ASNS: variants seen among roughly 807,000 people sequenced by gnomAD.
ASNS encodes asparagine synthetase [glutamine-hydrolyzing].
In ASNS, 37 loss-of-function variants were observed where a neutral mutation model predicts 62.6. The observed-to-expected ratio is 0.59, with a 90% CI of 0.45 to 0.78. The LOEUF (loss-of-function observed/expected upper bound fraction) is 0.78. Among genes scored for constraint, ASNS ranks in the 30% least tolerant of loss-of-function variants. ASNS has a pLI of 0.00. For missense variants in ASNS, 520 were observed against 682.4 expected (o/e 0.76, Z 2.65); for synonymous variants, 207 against 237.9 (o/e 0.87, Z 1.19).
chr7:97,913,477 A>C, the ASNS span, among the ~76,000 whole-genome samples: 1 of 152,332 alleles, frequency 6.6e-6, no homozygotes, highest in South Asian at 2.1e-4. Flanking sequence ...TATGCTCTCC[A>C]TGTTATCTGC....
chr7:97,889,308 G>T, the ASNS span, among the ~76,000 whole-genome samples: 1 of 152,314 alleles, frequency 6.6e-6, no homozygotes, highest in Admixed American at 6.5e-5. Context: ...CACGAGGTCA[G>T]GAGTTCGAGA....
chr7:97,861,498 C>G (rs1791717621), intron 4 of ASNS, among the ~76,000 whole-genome samples: 1 of 152,162 alleles, frequency 6.6e-6, no homozygotes, highest in Non-Finnish European at 1.5e-5. Context: ...ATTTCTGACT[C>G]TCAATTCTAT....
At chr7:97,861,791 A>T (rs1311566845) in intron 4 of ASNS, among the ~76,000 whole-genome samples, 1 of 152,230 alleles carries the variant, frequency 6.6e-6, no homozygotes, top group Admixed American at 6.5e-5. Flanking sequence ...CCTTCAAATC[A>T]TGATCATGGG....
chr7:97,879,704 C>A, the ASNS span, among the ~76,000 whole-genome samples: 2 of 152,214 alleles, frequency 1.3e-5, no homozygotes, highest in Admixed American at 6.5e-5. Flanking sequence ...CCCTGGCTGA[C>A]ATTATGGTTG....
the ASNS span, among the ~76,000 whole-genome samples, chr7:97,921,438 A>G: frequency 6.6e-6 from 1 of 152,200 alleles, no homozygotes; most frequent in Non-Finnish European, 1.5e-5. Flanking sequence ...CTGTATTCCA[A>G]TAAAACTTTA....
chr7:97,927,121 T>C, the ASNS span, among the ~76,000 whole-genome samples: 51 of 94,416 alleles, frequency 5.4e-4, no homozygotes, highest in Admixed American at 7.0e-4. Flanking sequence ...GGCTTCACCA[T>C]GTTGCCCAGG....
chr7:97,896,523 G>C, the ASNS span, among the ~76,000 whole-genome samples: 1 of 147,556 alleles, frequency 6.8e-6, no homozygotes, highest in Non-Finnish European at 1.5e-5. Flanking sequence ...CATGAACCCG[G>C]GAGGAAGAGC....
At chr7:97,923,439 G>A in the ASNS span, among the ~76,000 whole-genome samples, 4 of 152,142 alleles carry the variant, frequency 2.6e-5, no homozygotes, top group African/African-American at 9.7e-5. Context: ...AAGTTAGTCA[G>A]GCATGGTGGC....
rs1791459681 is a variant in ASNS at position 97,856,795 on chromosome 7, C to T, written c.925G>A (p.Glu309Lys). The T allele has an allele frequency of 1.9e-6, 3 of 1,610,528 alleles. No homozygotes were observed. Among genetic ancestry groups the T allele is most frequent in the Non-Finnish European group, 2.5e-6 (3 of 1,177,846 alleles). Residue 309 changes from glutamate (E) to lysine (K), a missense_variant, in exon 8 of 13, where the codon GAA (glutamate) becomes AAA (lysine). Physicochemically the swap from Glu to Lys is moderately conservative, Grantham distance 56 (BLOSUM62 1). Coordinates refer to ENST00000394308, the MANE Select transcript of ASNS (RefSeq NM_001673.5). ...ARKVADHIGS[E>K]HYEVLFNSEE... is the part of the protein sequence containing the mutation. ...GAGTTAAAAAGGACTTCATAATGTT[C>T]ACTTCCAATATGATCTGCCACCTTA... is the stretch of plus-strand genomic sequence containing the variant.
At chr7:97,854,941 T>A in intron 9 of ASNS, 2 of 500,418 alleles carry the variant, frequency 4.0e-6, no homozygotes, top group Non-Finnish European at 6.8e-6. Context: ...AAGGGGATTC[T>A]CAAGCTTAAG....
intron 4 of ASNS, 60 bp from the exon 5 acceptor site, chr7:97,859,458 G>T: frequency 2.0e-6 from 3 of 1,488,280 alleles, no homozygotes; most frequent in South Asian, 1.4e-5. Flanking sequence ...TAACTTTCAC[G>T]ATTAGTTAAC....
Position 97,856,924 on chromosome 7 carries a change from C to T in ASNS, c.904-108G>A, listed in dbSNP as rs191757156. 1.2e-5 allele frequency: 14 copies of T among 1,215,426 alleles called. No homozygotes were observed. In the African/African-American group the frequency reaches 1.8e-4, roughly 16 times the overall value. 75.3% of individuals were successfully genotyped at this position (1,215,426 alleles called of 1,614,324 possible). On this transcript the variant is annotated intron_variant, in intron 7 of 12. Coordinates refer to ENST00000394308, the MANE Select transcript of ASNS (RefSeq NM_001673.5). ...CTTTATGAATTAACAATGGTGAAAA[C>T]TAAACAAGGGAAAAAAAGAAAAATG...
At chr7:97,924,687 C>A in the ASNS span, among the ~76,000 whole-genome samples, 1 of 152,168 alleles carries the variant, frequency 6.6e-6, no homozygotes, top group Non-Finnish European at 1.5e-5. Flanking sequence ...AAGTCTTGTG[C>A]AGAAAGCCAA....
chr7:97,856,029 A>G (rs892988851), intron 8 of ASNS, among the ~76,000 whole-genome samples: 1 of 152,096 alleles, frequency 6.6e-6, no homozygotes, highest in Non-Finnish European at 1.5e-5. Flanking sequence ...TTATTTTCCT[A>G]ACCTCACCCC....
the ASNS span, among the ~76,000 whole-genome samples, chr7:97,899,496 C>T: frequency 1.3e-5 from 2 of 152,168 alleles, no homozygotes; most frequent in Non-Finnish European, 2.9e-5. Flanking sequence ...GCATTTTTTA[C>T]ATTTCAATGG....
At chr7:97,866,076 T>A (rs1247281273) in intron 3 of ASNS, among the ~76,000 whole-genome samples, 10 of 152,204 alleles carry the variant, frequency 6.6e-5, no homozygotes, top group African/African-American at 2.4e-4. Flanking sequence ...ACCTCTAAAT[T>A]TAAGTTAAGA....
the ASNS span, among the ~76,000 whole-genome samples, chr7:97,919,734 A>C: frequency 0.042 from 6,453 of 152,266 alleles, 323 homozygotes; most frequent in African/African-American, 0.11. Context: ...AAGGGGGACA[A>C]GAAGCCAAGG....
In ASNS at chr7:97,853,394, G is replaced by C; in HGVS notation, c.1239-8C>G. 1.2e-6 allele frequency: 2 copies of C among 1,607,764 alleles called. No individual in the cohort carries two copies. The highest frequency in any genetic ancestry group is 1.7e-6 in the Non-Finnish European group (2 of 1,176,958). On this transcript the variant is annotated splice_region_variant and splice_polypyrimidine_tract_variant and intron_variant, in intron 10 of 12. Coordinates refer to ENST00000394308, the MANE Select transcript of ASNS (RefSeq NM_001673.5). The stretch of plus-strand genomic sequence containing the variant: ...GGGACTCTCAGTTCAAGACTTAAAG[G>C]AGAAAAGAAGAAAATCTAAATTAAA...
the ASNS span, chr7:97,913,143 G>C: frequency 6.6e-6 from 1 of 152,134 alleles, no homozygotes; most frequent in African/African-American, 2.4e-5. Flanking sequence ...GACAGGTGAA[G>C]GTCATGATCA....
Sources: gnomAD v4.1 joint callset for allele counts (sites outside exome capture counted in the v4.1 genomes callset) on GRCh38, gnomAD v4.1.1 for gene constraint, MANE v1.5 for transcripts, NCBI Gene and HGNC (gene_info 2026-07-23, HGNC 2026-07-21) for gene names.